The following MLKL variants were observed in gnomAD, a reference collection of about 807,000 sequenced individuals.
MLKL encodes the protein mixed lineage kinase domain-like protein.
In MLKL, 55 loss-of-function variants were observed where a neutral mutation model predicts 56.5. The observed-to-expected ratio is 0.97, with a 90% confidence interval of 0.78 to 1.22. The LOEUF (loss-of-function observed/expected upper bound fraction) is 1.22. Ranked by LOEUF, MLKL falls within the 50% of genes most tolerant of loss-of-function variation. The pLI, the probability that MLKL is intolerant of heterozygous loss-of-function variation, is 0.00. For synonymous variants in MLKL, 251 were observed against 208.3 expected (o/e 1.20, Z -1.76); for missense variants, 694 against 573.9 (o/e 1.21, Z -2.14).
chr16:74,687,666 A>C (rs2144518494), intron 4 of MLKL, among the ~76,000 whole-genome samples: 1 of 152,154 alleles, frequency 6.6e-6, no homozygotes, highest in East Asian at 1.9e-4. Context: ...ATATAAAGCC[A>C]GTTGATTTTT....
chr16:74,678,888 G>C lies in MLKL; in HGVS notation c.1038+11C>G. 1 of 1,613,516 alleles carries C rather than the reference G, an allele frequency of 6.2e-7. No homozygotes were observed. Among genetic ancestry groups the C allele is most frequent in the Non-Finnish European group, 8.5e-7 (1 of 1,179,496 alleles). ...GGTTTGACCCAAAGCGCCCCCGCAA[G>C]GCACACTCACCTTCACTTGGTAGCC... On this transcript the variant is annotated intron_variant, in intron 7 of 10. Coordinates refer to ENST00000308807, the MANE Select transcript of MLKL (RefSeq NM_152649.4).
intron 5 of MLKL, 59 bp downstream of exon 5, chr16:74,685,427 A>C (rs1960263728): frequency 7.9e-7 from 1 of 1,260,284 alleles, no homozygotes; most frequent in African/African-American, 1.5e-5. Context: ...ACACATTAAA[A>C]CACAGGAGGT....
chr16:74,697,408 G>A (rs1669514627), intron 1 of MLKL, among the ~76,000 whole-genome samples: 1 of 152,074 alleles, frequency 6.6e-6, no homozygotes, highest in Non-Finnish European at 1.5e-5. Flanking sequence ...AATCATGTTT[G>A]CTTTATTTGC....
intron 7 of MLKL, 58 bp from the exon 8 acceptor site, chr16:74,675,822 G>A: frequency 6.4e-7 from 1 of 1,559,118 alleles, no homozygotes; most frequent in South Asian, 1.2e-5. Context: ...AGGAGTAAAG[G>A]GCAGGGATTG....
intron 5 of MLKL, among the ~76,000 whole-genome samples, chr16:74,683,939 CTTTATTT>C (rs1237527850): frequency 1.3e-5 from 2 of 152,004 alleles, no homozygotes; most frequent in African/African-American, 4.8e-5. Flanking sequence ...GAACATTTGT[CTTTATTT>C]TTTATTTTTT....
chr16:74,680,469 G>A lies in MLKL; in HGVS notation c.957-1489C>T, dbSNP rs779654124. ...TGATTACATCAAGAAGAAAGTCTGC[G>A]TTTGGTATTTTTTTTTTGTTTTTTT... On this transcript the variant is annotated intron_variant, in intron 6 of 10. Transcript: ENST00000308807. Among the ~76,000 whole-genome samples the A allele has an allele frequency of 1.0e-3, 158 of 151,876 alleles. 2 individuals are homozygous for A. The highest frequency in any genetic ancestry group is 2.8e-3 in the Admixed American group (42 of 15,218).
chr16:74,690,257 A>T (rs1379957340), intron 4 of MLKL, among the ~76,000 whole-genome samples: 1 of 152,230 alleles, frequency 6.6e-6, no homozygotes, highest in Non-Finnish European at 1.5e-5. Flanking sequence ...AGTAATCAGA[A>T]AGCTGGATAA....
intron 3 of MLKL, 151 bp downstream of exon 3, chr16:74,692,191 C>G: frequency 1.5e-6 from 1 of 677,624 alleles, no homozygotes; most frequent in Non-Finnish European, 2.6e-6. Flanking sequence ...CCTGGGCTAG[C>G]CATGAATGGA....
chr16:74,689,635 T>C (rs1343707761), intron 4 of MLKL, among the ~76,000 whole-genome samples: 2 of 152,160 alleles, frequency 1.3e-5, no homozygotes, highest in East Asian at 3.8e-4. Flanking sequence ...TATCGAAATT[T>C]ACTGCAAAGT....
chr16:74,686,876 G>A (rs950470307), intron 4 of MLKL, among the ~76,000 whole-genome samples: 17 of 152,202 alleles, frequency 1.1e-4, no homozygotes, highest in Non-Finnish European at 1.5e-5. Context: ...ATTTCCAATA[G>A]CATAAAGAGA....
chr16:74,687,326 T>C (rs1462827264), intron 4 of MLKL, among the ~76,000 whole-genome samples: 1 of 152,084 alleles, frequency 6.6e-6, no homozygotes, highest in East Asian at 1.9e-4. Context: ...TGTTCTTGAA[T>C]AGGAAGACTT....
intron 4 of MLKL, among the ~76,000 whole-genome samples, chr16:74,689,287 G>A (rs926046373): frequency 1.3e-4 from 20 of 151,910 alleles, no homozygotes; most frequent in South Asian, 4.1e-4. Flanking sequence ...GCTAATTTTT[G>A]TATTTTTTAG....
At chr16:74,685,304 C>T (rs976363798) in intron 5 of MLKL, among the ~76,000 whole-genome samples, 182 bp downstream of exon 5, 1 of 152,000 alleles carries the variant, frequency 6.6e-6, no homozygotes, top group African/African-American at 2.4e-5. Flanking sequence ...TCAGCCCTGC[C>T]CTCCTGAAAG....
rs200915860 is a variant in MLKL at position 74,675,016 on chromosome 16, C to T, written c.1325G>A (p.Arg442Gln). 61 of 1,614,060 alleles carry T rather than the reference C, an allele frequency of 3.8e-5. No homozygotes were observed. Among genetic ancestry groups the T allele is most frequent in the Middle Eastern group, 1.6e-4 (1 of 6,084 alleles). The change falls in exon 10 of 11, where the codon CGG becomes CAG. Residue 442 changes from arginine (R) to glutamine (Q), a missense_variant. Arg to Gln is a conservative substitution (Grantham distance 43). Coordinates refer to ENST00000308807, the MANE Select transcript of MLKL (RefSeq NM_152649.4). ...PLGEDCPSEL[R>Q]EIIDECRAHD... ...GGCCCGGCACTCATCAATGATCTCCCGCAGCTCTGAAGGGCAGTCTTCACC... is the reference window on the plus strand; with the variant it reads ...GGCCCGGCACTCATCAATGATCTCCTGCAGCTCTGAAGGGCAGTCTTCACC...
Position 74,672,000 on chromosome 16 carries a change from G to T in MLKL, c.*504C>A, listed in dbSNP as rs909811267. ...TGTTGGTTGGGCTAGTATGACTTCA[G>T]CTAGGAAAGCATGTTTCTGCTTCAT... On this transcript the variant is annotated 3_prime_UTR_variant, in exon 11 of 11. Coordinates refer to ENST00000308807, the MANE Select transcript of MLKL (RefSeq NM_152649.4). 1 of 152,868 alleles carries T rather than the reference G, an allele frequency of 6.5e-6. No individual in the cohort carries two copies. The highest frequency in any genetic ancestry group is 2.4e-5 in the African/African-American group (1 of 41,442). The allele number at this position is 152,868 out of a possible 1,614,324, so 9.5% of individuals were successfully genotyped here.
chr16:74,685,435 G>A (rs1019908214), intron 5 of MLKL, 51 bp downstream of exon 5: 9 of 1,308,686 alleles, frequency 6.9e-6, no homozygotes, highest in Non-Finnish European at 9.9e-6. Flanking sequence ...AAACACAGGA[G>A]GTGTGTTCTA....
At chr16:74,677,684 C>A (rs964077616) in intron 7 of MLKL, 4 of 151,008 alleles carry the variant, frequency 2.6e-5, no homozygotes, top group Non-Finnish European at 5.9e-5. Context: ...TTTCTTTTTT[C>A]TTTTTTTTTG....
intron 6 of MLKL, among the ~76,000 whole-genome samples, chr16:74,680,999 T>C (rs1959931738): frequency 6.6e-6 from 1 of 152,044 alleles, no homozygotes; most frequent in African/African-American, 2.4e-5. Context: ...TAAGAGAAAG[T>C]GTCCTTTTTA....
chr16:74,699,560 T>C (rs1207685084), intron 1 of MLKL, among the ~76,000 whole-genome samples: 2 of 152,176 alleles, frequency 1.3e-5, no homozygotes, highest in African/African-American at 4.8e-5. Flanking sequence ...ACTTATGATG[T>C]AGAAAAGCTT....
Sources: gnomAD v4.1 joint callset for allele counts (sites outside exome capture counted in the v4.1 genomes callset) on GRCh38, gnomAD v4.1.1 for gene constraint, MANE v1.5 for transcripts, NCBI Gene and HGNC (gene_info 2026-07-23, HGNC 2026-07-21) for gene names.